The following LRRC4C variants were observed in gnomAD, a reference collection of about 807,000 sequenced individuals.
LRRC4C encodes leucine rich repeat containing 4C.
Under a neutral mutation model 33.6 loss-of-function variants are expected in LRRC4C, and 5 were observed. That is an observed-to-expected ratio of 0.15 (90% CI 0.08 to 0.31). The LOEUF is 0.31. LRRC4C is among the 10% of genes least tolerant of loss of function. The pLI, the probability that LRRC4C is intolerant of heterozygous loss-of-function variation, is 1.00. For synonymous variants in LRRC4C, 329 were observed against 302.0 expected, an observed-to-expected ratio of 1.09 and a Z score of -0.93; for missense variants, 560 against 796.7, an observed-to-expected ratio of 0.70 and a Z score of 3.58.
chr11:40,706,702 T>G (rs907470965), intron 2 of LRRC4C, among the ~76,000 whole-genome samples: 6 of 152,232 alleles, frequency 3.9e-5, no homozygotes, highest in Non-Finnish European at 8.8e-5. Context: ...GGCTCTTTTT[T>G]GATTCCATAT....
chr11:41,064,092 C>T (rs1265573707), intron 1 of LRRC4C, among the ~76,000 whole-genome samples: 1 of 152,278 alleles, frequency 6.6e-6, no homozygotes, highest in Non-Finnish European at 1.5e-5. Flanking sequence ...TCTAGACACA[C>T]ACAAAAAAGT....
chr11:41,301,319 CT>C (rs1375201215), intron 1 of LRRC4C, among the ~76,000 whole-genome samples: 1 of 152,136 alleles, frequency 6.6e-6, no homozygotes, highest in African/African-American at 2.4e-5. Flanking sequence ...AAAGAATTCC[CT>C]TTCTATGAGA....
At chr11:41,007,114 T>C (rs953775311) in intron 1 of LRRC4C, among the ~76,000 whole-genome samples, 13 of 152,130 alleles carry the variant, frequency 8.5e-5, no homozygotes, top group Admixed American at 1.3e-4. Flanking sequence ...TTTAAAAATA[T>C]GTTTCAAAAA....
At chr11:40,179,358 G>A (rs1008921838) in intron 5 of LRRC4C, among the ~76,000 whole-genome samples, 6 of 152,110 alleles carry the variant, frequency 3.9e-5, no homozygotes, top group Non-Finnish European at 5.9e-5. Context: ...TGTGCTAGAT[G>A]TTAAGTTTCT....
intron 1 of LRRC4C, among the ~76,000 whole-genome samples, chr11:41,355,003 C>T (rs1952108843): frequency 6.6e-6 from 1 of 151,908 alleles, no homozygotes; most frequent in African/African-American, 2.4e-5. Flanking sequence ...CAAATGGGAC[C>T]TAATTAAAGA....
At chr11:40,581,052 A>G (rs1425448818) in intron 3 of LRRC4C, among the ~76,000 whole-genome samples, 1 of 152,168 alleles carries the variant, frequency 6.6e-6, no homozygotes, top group Admixed American at 6.5e-5. Context: ...TTCTTCATTT[A>G]TCAAGCCTGG....
intron 3 of LRRC4C, among the ~76,000 whole-genome samples, chr11:40,576,663 C>T (rs1191032136): frequency 6.6e-6 from 1 of 152,148 alleles, no homozygotes; most frequent in Non-Finnish European, 1.5e-5. Context: ...CTGTTTCTTT[C>T]CCTACGTTGG....
chr11:40,765,144 C>T (rs1949390667), intron 2 of LRRC4C, among the ~76,000 whole-genome samples: 1 of 152,170 alleles, frequency 6.6e-6, no homozygotes, highest in African/African-American at 2.4e-5. Context: ...TGTATCCCCA[C>T]CCAAATCTCA....
At chr11:41,196,274 G>A (rs368133556) in intron 1 of LRRC4C, among the ~76,000 whole-genome samples, 17 of 152,162 alleles carry the variant, frequency 1.1e-4, no homozygotes, top group South Asian at 6.2e-4. Flanking sequence ...ACTTTTGAGC[G>A]TAGGAAAGAA....
chr11:40,929,628 T>TA (rs1957531205), intron 2 of LRRC4C, among the ~76,000 whole-genome samples: 1 of 152,108 alleles, frequency 6.6e-6, no homozygotes, highest in South Asian at 2.1e-4. Context: ...TATTTTATTT[T>TA]TTTTGAGACA....
At chr11:40,656,366 G>A (rs1943113211) in intron 2 of LRRC4C, among the ~76,000 whole-genome samples, 1 of 151,272 alleles carries the variant, frequency 6.6e-6, no homozygotes, top group African/African-American at 2.4e-5. Flanking sequence ...TATATACTGA[G>A]TGAGCAGGCT....
chr11:40,418,509 G>A (rs181101669), intron 3 of LRRC4C, among the ~76,000 whole-genome samples: 1 of 152,334 alleles, frequency 6.6e-6, no homozygotes. Flanking sequence ...TACATTGTTG[G>A]TGGGAATGTA....
intron 2 of LRRC4C, among the ~76,000 whole-genome samples, chr11:40,737,135 T>C (rs751609043): frequency 6.6e-6 from 1 of 152,080 alleles, no homozygotes; most frequent in Non-Finnish European, 1.5e-5. Context: ...TTTATCTCAA[T>C]AGATGCCGAA....
intron 2 of LRRC4C, among the ~76,000 whole-genome samples, chr11:40,683,162 G>T (rs577392590): frequency 4.7e-4 from 72 of 152,220 alleles, no homozygotes; most frequent in Admixed American, 1.9e-3. Flanking sequence ...AGCAGCAAAG[G>T]CTTGATGCGA....
intron 1 of LRRC4C, among the ~76,000 whole-genome samples, chr11:41,214,550 T>C (rs1946956249): frequency 1.7e-5 from 2 of 119,088 alleles, no homozygotes; most frequent in South Asian, 5.1e-4. Flanking sequence ...GCTAACACCG[T>C]GAAACCCCGT....
intron 3 of LRRC4C, among the ~76,000 whole-genome samples, chr11:40,492,208 G>T (rs1015128746): frequency 6.6e-6 from 1 of 152,052 alleles, no homozygotes; most frequent in Admixed American, 6.6e-5. Flanking sequence ...GGATTAAATT[G>T]TATTTTCATT....
At chr11:40,961,984 AC>A (rs1210058409) in intron 1 of LRRC4C, among the ~76,000 whole-genome samples, 1 of 151,546 alleles carries the variant, frequency 6.6e-6, no homozygotes, top group Non-Finnish European at 1.5e-5. Flanking sequence ...TTTATGAATG[AC>A]CCAGAAACTG....
chr11:40,213,088 G>A (rs1251046286), intron 5 of LRRC4C, among the ~76,000 whole-genome samples: 1 of 152,076 alleles, frequency 6.6e-6, no homozygotes, highest in Non-Finnish European at 1.5e-5. Flanking sequence ...TAACTTCGGA[G>A]CAAAACTCAA....
At chr11:40,289,898 T>G (rs1473619613) in intron 4 of LRRC4C, among the ~76,000 whole-genome samples, 1 of 152,150 alleles carries the variant, frequency 6.6e-6, no homozygotes, top group Middle Eastern at 3.2e-3. Context: ...CTCTCTTCAC[T>G]TCTTTCCCTT....
Sources: gnomAD v4.1 joint callset for allele counts (sites outside exome capture counted in the v4.1 genomes callset) on GRCh38, gnomAD v4.1.1 for gene constraint, MANE v1.5 for transcripts, NCBI Gene and HGNC (gene_info 2026-07-23, HGNC 2026-07-21) for gene names.